The following RPH3A variants were observed in gnomAD, a reference collection of about 807,000 sequenced individuals.
RPH3A encodes rabphilin 3A.
RPH3A carries 48 observed loss-of-function variants against 102.2 expected under a neutral mutation model. The observed-to-expected ratio is 0.47, with a 90% CI of 0.37 to 0.60. The LOEUF is 0.60. Ranked by LOEUF, RPH3A falls within the 20% of genes least tolerant of loss-of-function variation. The pLI is 0.00. For synonymous variants in RPH3A, 310 were observed against 324.3 expected (o/e 0.96, Z 0.47); for missense variants, 781 against 910.1 (o/e 0.86, Z 1.83).
chr12:112,709,087 C>T (rs2040443345), intron 1 of RPH3A, among the ~76,000 whole-genome samples: 1 of 152,056 alleles, frequency 6.6e-6, no homozygotes, highest in African/African-American at 2.4e-5. Context: ...AATGCAGCTC[C>T]CTTTGATGGG....
chr12:112,701,589 A>T (rs2040394556), intron 1 of RPH3A, among the ~76,000 whole-genome samples: 1 of 152,064 alleles, frequency 6.6e-6, no homozygotes, highest in Non-Finnish European at 1.5e-5. Flanking sequence ...GTGTGGGAGG[A>T]TGTTTGCCAA....
At chr12:112,716,953 G>T (rs2040517290) in intron 1 of RPH3A, among the ~76,000 whole-genome samples, 1 of 152,166 alleles carries the variant, frequency 6.6e-6, no homozygotes, top group Non-Finnish European at 1.5e-5. Context: ...GCTTTGCCTG[G>T]AGTAAGAGTT....
chr12:112,853,732 G>A (rs2042363743), intron 5 of RPH3A, among the ~76,000 whole-genome samples: 1 of 151,986 alleles, frequency 6.6e-6, no homozygotes, highest in Non-Finnish European at 1.5e-5. Flanking sequence ...AGGAGGCTGA[G>A]GTACATGAAT....
At chr12:112,665,167 A>G (rs540581661) in intron 1 of RPH3A, among the ~76,000 whole-genome samples, 1 of 152,242 alleles carries the variant, frequency 6.6e-6, no homozygotes, top group South Asian at 2.1e-4. Flanking sequence ...CACCTCCCAA[A>G]TAAACGATCT....
intron 1 of RPH3A, among the ~76,000 whole-genome samples, chr12:112,771,470 A>G (rs2040927208): frequency 6.6e-6 from 1 of 152,206 alleles, no homozygotes; most frequent in South Asian, 2.1e-4. Flanking sequence ...CTTTAGATGG[A>G]CATTTATATT....
At chr12:112,758,097 G>A (rs1468349150) in intron 1 of RPH3A, among the ~76,000 whole-genome samples, 3 of 152,194 alleles carry the variant, frequency 2.0e-5, no homozygotes, top group African/African-American at 7.2e-5. Flanking sequence ...AAGGCATGAA[G>A]TACTGTAGAA....
At chr12:112,852,774 G>A (rs1201759997) in intron 5 of RPH3A, among the ~76,000 whole-genome samples, 2 of 152,170 alleles carry the variant, frequency 1.3e-5, no homozygotes, top group Non-Finnish European at 2.9e-5. Flanking sequence ...AATGTATTAA[G>A]TTTGGAATTA....
At chr12:112,817,381 C>A (rs1160857691) in intron 2 of RPH3A, among the ~76,000 whole-genome samples, 1 of 152,102 alleles carries the variant, frequency 6.6e-6, no homozygotes, top group Admixed American at 6.5e-5. Context: ...TTCCTCCATC[C>A]TTTATCCTCA....
At chr12:112,829,894 T>C (rs2041939696) in intron 3 of RPH3A, among the ~76,000 whole-genome samples, 1 of 152,212 alleles carries the variant, frequency 6.6e-6, no homozygotes, top group African/African-American at 2.4e-5. Flanking sequence ...GCTTCCCACT[T>C]AAAAAGGCAA....
chr12:112,759,530 G>A (rs1445866139), intron 1 of RPH3A, among the ~76,000 whole-genome samples: 1 of 152,122 alleles, frequency 6.6e-6, no homozygotes, highest in African/African-American at 2.4e-5. Flanking sequence ...GGAGAGTGAA[G>A]GACTTGCCCA....
chr12:112,611,628 T>A (rs1232422320), intron 1 of RPH3A, among the ~76,000 whole-genome samples: 2 of 152,060 alleles, frequency 1.3e-5, no homozygotes, highest in East Asian at 3.8e-4. Flanking sequence ...TGGTAGAGAT[T>A]GGGAGGGGGG....
At chr12:112,787,057 C>T (rs2041056312), upstream of RPH3A, among the ~76,000 whole-genome samples, 1 of 152,120 alleles carries the variant, frequency 6.6e-6, no homozygotes, top group Admixed American at 6.5e-5. Flanking sequence ...ACCTCTCTTT[C>T]TCTCTCTCCC....
intron 4 of RPH3A, among the ~76,000 whole-genome samples, chr12:112,846,634 T>C (rs1301998714): frequency 1.3e-5 from 2 of 152,178 alleles, no homozygotes; most frequent in Non-Finnish European, 2.9e-5. Flanking sequence ...TGGCGGCTAA[T>C]GGGGGGCAGG....
chr12:112,876,110 T>C (rs975365582), intron 12 of RPH3A, among the ~76,000 whole-genome samples: 4 of 152,086 alleles, frequency 2.6e-5, no homozygotes, highest in Admixed American at 6.5e-5. Flanking sequence ...AACTAACACA[T>C]AGAAAACCTT....
At chr12:112,714,657 A>G (rs1565858257) in intron 1 of RPH3A, among the ~76,000 whole-genome samples, 1 of 152,222 alleles carries the variant, frequency 6.6e-6, no homozygotes, top group Non-Finnish European at 1.5e-5. Flanking sequence ...TGGGCAGTAA[A>G]GAGAGCCTTT....
rs540892308 is a variant in RPH3A, at chr12:112,618,405, C to G, written c.-140+43086C>G. On this transcript the variant is annotated intron_variant, in intron 1 of 21. Transcript: ENST00000543106. ...AAGCCCAGTTCATCACAGGCTGCAA[C>G]TAACAAAGGACCCTCCAGTAAAGAT... Among the ~76,000 whole-genome samples, 55 of 152,288 alleles carry G rather than the reference C, an allele frequency of 3.6e-4. 1 individual carries two copies. The South Asian group carries it at 0.011, about 29-fold the overall frequency.
chr12:112,726,616 C>A (rs2040592477), intron 1 of RPH3A, among the ~76,000 whole-genome samples: 1 of 152,176 alleles, frequency 6.6e-6, no homozygotes, highest in South Asian at 2.1e-4. Flanking sequence ...AAAGTTTGGC[C>A]ATACTTACTT....
At chr12:112,710,755 GCTGC>G (rs752617204) in intron 1 of RPH3A, among the ~76,000 whole-genome samples, 1 of 152,134 alleles carries the variant, frequency 6.6e-6, no homozygotes, top group Non-Finnish European at 1.5e-5. Context: ...TCCACAGTGG[GCTGC>G]CTGATGATTC....
chr12:112,596,181 GC>G (rs1006050160), intron 1 of RPH3A, among the ~76,000 whole-genome samples: 34 of 148,682 alleles, frequency 2.3e-4, no homozygotes, highest in South Asian at 4.4e-4. Flanking sequence ...TCACTCTCTT[GC>G]CCAGGCTGGA....
Sources: gnomAD v4.1 joint callset for allele counts (sites outside exome capture counted in the v4.1 genomes callset) on GRCh38, gnomAD v4.1.1 for gene constraint, MANE v1.5 for transcripts, NCBI Gene and HGNC (gene_info 2026-07-23, HGNC 2026-07-21) for gene names.